The following GNA14 variants were observed in gnomAD, a reference collection of about 807,000 sequenced individuals.
GNA14 encodes the protein G protein subunit alpha 14.
In GNA14, 50 loss-of-function variants were observed where a neutral mutation model predicts 42.0. The ratio of observed to expected loss-of-function variants is 1.19; its 90% CI spans 0.95 to 1.51. GNA14 has a LOEUF of 1.51. GNA14 is among the 40% of genes most tolerant of loss of function. The pLI is 0.00. For missense variants in GNA14, 473 were observed against 446.2 expected, an observed-to-expected ratio of 1.06 and a Z score of -0.54; for synonymous variants, 173 against 163.1, an observed-to-expected ratio of 1.06 and a Z score of -0.46.
chr9:77,580,246 T>C, intron 1 of GNA14: 1 of 293,080 alleles, frequency 3.4e-6, no homozygotes, highest in East Asian at 9.0e-5. Context: ...TGCTCCAGAA[T>C]GGGAGATAAG....
intron 2 of GNA14, among the ~76,000 whole-genome samples, chr9:77,500,414 G>C (rs1309741122): frequency 6.6e-6 from 1 of 152,082 alleles, no homozygotes; most frequent in Non-Finnish European, 1.5e-5. Flanking sequence ...TTCACATGAG[G>C]TTGTAAAAAA....
chr9:77,593,513 T>C lies in GNA14; in HGVS notation c.124+54157A>G, dbSNP rs368687133. On this transcript the variant is annotated intron_variant, in intron 1 of 6. Transcript: ENST00000341700. ...TTAGTAGAGATGAGGTTTCATCATG[T>C]TGGCCAGGCTGGTCTCGAACTCCTG... is the stretch of plus-strand genomic sequence containing the variant. Among the ~76,000 whole-genome samples the C allele has an allele frequency of 2.2e-4, 34 of 152,278 alleles. 1 individual carries two copies. The East Asian group carries it at 4.6e-3, about 21-fold the overall frequency.
intron 2 of GNA14, among the ~76,000 whole-genome samples, chr9:77,504,305 T>C (rs537655848): frequency 2.6e-5 from 4 of 152,138 alleles, no homozygotes; most frequent in Non-Finnish European, 5.9e-5. Context: ...CTTGAGACTA[T>C]ACAAACCAGA....
intron 1 of GNA14, among the ~76,000 whole-genome samples, chr9:77,585,757 C>T (rs920521644): frequency 6.6e-6 from 1 of 152,204 alleles, no homozygotes; most frequent in East Asian, 1.9e-4. Context: ...TTGCCTGTGA[C>T]GTCTATCCAA....
At chr9:77,440,086 G>C (rs1335617732) in intron 2 of GNA14, among the ~76,000 whole-genome samples, 1 of 152,252 alleles carries the variant, frequency 6.6e-6, no homozygotes, top group African/African-American at 2.4e-5. Context: ...AGCAAACTCA[G>C]TGATACAGAA....
chr9:77,559,053 T>C (rs1007948589), intron 1 of GNA14, among the ~76,000 whole-genome samples: 4 of 152,188 alleles, frequency 2.6e-5, no homozygotes, highest in Admixed American at 6.5e-5. Flanking sequence ...CTTTTGAGCA[T>C]CTTCCTTTTG....
At chr9:77,500,556 A>G (rs1836949461) in intron 2 of GNA14, among the ~76,000 whole-genome samples, 1 of 152,150 alleles carries the variant, frequency 6.6e-6, no homozygotes, top group Non-Finnish European at 1.5e-5. Context: ...TTCTGCCACC[A>G]CAGAATCCTT....
At chr9:77,481,605 G>T (rs1836553736) in intron 2 of GNA14, among the ~76,000 whole-genome samples, 1 of 152,120 alleles carries the variant, frequency 6.6e-6, no homozygotes, top group Non-Finnish European at 1.5e-5. Context: ...GGGTATCCTT[G>T]TTAACTTTCT....
chr9:77,476,019 G>C (rs1309099043), intron 2 of GNA14, among the ~76,000 whole-genome samples: 1 of 152,130 alleles, frequency 6.6e-6, no homozygotes, highest in Non-Finnish European at 1.5e-5. Flanking sequence ...AAATTGGCTT[G>C]GCAGAAATAC....
At chr9:77,560,286 C>CTTTTTTTT (rs770870060) in intron 1 of GNA14, among the ~76,000 whole-genome samples, 1 of 119,556 alleles carries the variant, frequency 8.4e-6, no homozygotes, top group African/African-American at 3.4e-5. Context: ...CCTCTCCAGT[C>CTTTTTTTT]TTTTTTTTTT....
intron 2 of GNA14, among the ~76,000 whole-genome samples, chr9:77,480,814 G>C (rs1836537442): frequency 6.6e-6 from 1 of 152,158 alleles, no homozygotes; most frequent in Admixed American, 6.5e-5. Flanking sequence ...ATTTCTTCTA[G>C]ATTTTCTAGT....
intron 1 of GNA14, among the ~76,000 whole-genome samples, chr9:77,621,988 T>C (rs1333663306): frequency 1.3e-5 from 2 of 152,182 alleles, no homozygotes; most frequent in African/African-American, 4.8e-5. Context: ...TGCAATGGCA[T>C]GATCATAGCT....
chr9:77,548,931 C>CTTTCTTTTTTTT (rs540564425), intron 1 of GNA14, among the ~76,000 whole-genome samples: 1 of 151,760 alleles, frequency 6.6e-6, no homozygotes, highest in Non-Finnish European at 1.5e-5. Context: ...ATGAGAAAGC[C>CTTTCTTTTTTTT]TTTCTTTTTT....
At chr9:77,469,590 A>G (rs1185409752) in intron 2 of GNA14, among the ~76,000 whole-genome samples, 3 of 152,084 alleles carry the variant, frequency 2.0e-5, no homozygotes, top group African/African-American at 7.2e-5. Flanking sequence ...TGGGTGGACA[A>G]CCCTAACTTC....
intron 1 of GNA14, among the ~76,000 whole-genome samples, chr9:77,530,182 G>T (rs979269735): frequency 2.0e-5 from 3 of 152,166 alleles, no homozygotes; most frequent in Non-Finnish European, 2.9e-5. Context: ...GGTGGGGCCT[G>T]GTGGGAGATG....
chr9:77,497,271 T>C (rs1276782719), intron 2 of GNA14, among the ~76,000 whole-genome samples: 1 of 152,178 alleles, frequency 6.6e-6, no homozygotes, highest in East Asian at 1.9e-4. Flanking sequence ...GCCTTCTGGC[T>C]CTTCCATTTG....
intron 1 of GNA14, among the ~76,000 whole-genome samples, chr9:77,624,736 A>G (rs1280543295): frequency 6.6e-6 from 1 of 152,138 alleles, no homozygotes; most frequent in Non-Finnish European, 1.5e-5. Context: ...CCACTCAGAA[A>G]CCCCATCCAA....
intron 1 of GNA14, among the ~76,000 whole-genome samples, chr9:77,641,158 A>C (rs1257328612): frequency 8.1e-6 from 1 of 122,970 alleles, no homozygotes; most frequent in African/African-American, 3.0e-5. Flanking sequence ...GGAAGGAAGG[A>C]AGGAAGGAAG....
At chr9:77,535,430 G>A (rs575879429) in intron 1 of GNA14, among the ~76,000 whole-genome samples, 2 of 152,280 alleles carry the variant, frequency 1.3e-5, no homozygotes, top group East Asian at 3.9e-4. Flanking sequence ...TGTAGTCCCA[G>A]CTACTCGTGA....
Sources: allele counts gnomAD v4.1 joint callset (sites outside exome capture counted in the v4.1 genomes callset), GRCh38; gene constraint gnomAD v4.1.1; transcripts MANE v1.5; gene names NCBI Gene and HGNC (gene_info 2026-07-23, HGNC 2026-07-21).